The following CDH23 variants were observed in gnomAD, a reference collection of about 807,000 sequenced individuals.
The protein encoded by CDH23 is cadherin-23.
In CDH23, 189 loss-of-function variants were observed where a neutral mutation model predicts 317.1. The observed-to-expected ratio is 0.60, with a 90% CI of 0.53 to 0.67. CDH23 has a LOEUF of 0.67. Ranked by LOEUF, CDH23 falls within the 30% of genes least tolerant of loss-of-function variation. CDH23 has a pLI of 0.00. For missense variants in CDH23, 4,401 were observed against 4,592.4 expected (o/e 0.96, Z 1.20); for synonymous variants, 1,839 against 1,876.8 (o/e 0.98, Z 0.52).
intron 25 of CDH23, among the ~76,000 whole-genome samples, chr10:71,705,806 C>A (rs1208260643): frequency 6.6e-6 from 1 of 152,028 alleles, no homozygotes; most frequent in Non-Finnish European, 1.5e-5. Flanking sequence ...GTTTAGCAGG[C>A]AAGACATGGC....
At chr10:71,466,338 G>C (rs891901009) in intron 3 of CDH23, among the ~76,000 whole-genome samples, 1 of 152,168 alleles carries the variant, frequency 6.6e-6, no homozygotes, top group African/African-American at 2.4e-5. Context: ...GCATGCATGT[G>C]TGTATGTACC....
intron 3 of CDH23, among the ~76,000 whole-genome samples, chr10:71,450,695 A>G (rs1451446549): frequency 1.3e-5 from 2 of 151,938 alleles, no homozygotes; most frequent in Non-Finnish European, 2.9e-5. Context: ...TTTCTCCTCC[A>G]GGACACCACC....
intron 25 of CDH23, among the ~76,000 whole-genome samples, chr10:71,705,593 G>A (rs562035075): frequency 6.6e-6 from 1 of 152,208 alleles, no homozygotes; most frequent in Non-Finnish European, 1.5e-5. Context: ...ATCACCCTGG[G>A]AAGAGAGCAG....
intron 6 of CDH23, among the ~76,000 whole-genome samples, chr10:71,515,071 G>C (rs1854211416): frequency 6.6e-6 from 1 of 152,158 alleles, no homozygotes; most frequent in African/African-American, 2.4e-5. Flanking sequence ...AGGTGACCCT[G>C]GTGCTGGGGT....
chr10:71,688,737 G>A (rs1341440420), intron 19 of CDH23, among the ~76,000 whole-genome samples: 2 of 117,060 alleles, frequency 1.7e-5, no homozygotes, highest in South Asian at 3.2e-4. Flanking sequence ...GGAGTCAAGG[G>A]TGGTGGAGCC....
chr10:71,601,929 T>C (rs558462843), intron 9 of CDH23, among the ~76,000 whole-genome samples: 17 of 145,946 alleles, frequency 1.2e-4, no homozygotes, highest in Non-Finnish European at 1.8e-4. Context: ...CCTTCAGGCA[T>C]TGGAGCAGGG....
intron 20 of CDH23, among the ~76,000 whole-genome samples, chr10:71,693,190 T>C (rs1014381976): frequency 1.3e-5 from 2 of 152,224 alleles, no homozygotes; most frequent in South Asian, 4.1e-4. Context: ...AGGCACTCAA[T>C]TGTGAACTCC....
At chr10:71,625,396 T>TG (rs1179590707) in intron 11 of CDH23, among the ~76,000 whole-genome samples, 1 of 19,798 alleles carries the variant, frequency 5.1e-5, no homozygotes, top group Non-Finnish European at 1.0e-4. Flanking sequence ...CCAAATAAAT[T>TG]AAAAAAAAAA....
In CDH23 at chr10:71,778,287, C is replaced by T; in HGVS notation, c.5166C>T (p.His1722=). The change falls in exon 40 of 70, where the codon CAC becomes CAT. Residue 1722 remains histidine (H), a synonymous_variant. Coordinates refer to ENST00000224721, the MANE Select transcript of CDH23 (RefSeq NM_022124.6). ...TATDQCPILS[H]RLTSTTTVLV... is the part of the protein sequence containing the mutation. Reference sequence around the variant, plus strand: ...CAGACCAGTGCCCCATCTTATCCCACCGCCTCACCTCTACCACCACGGTGG... The same window carrying T: ...CAGACCAGTGCCCCATCTTATCCCATCGCCTCACCTCTACCACCACGGTGG... 6.2e-7 allele frequency: 1 copy of T among 1,613,998 alleles called. No individual in the cohort carries two copies. Among genetic ancestry groups the T allele is most frequent in the Non-Finnish European group, 8.5e-7 (1 of 1,179,896 alleles).
intron 1 of CDH23, among the ~76,000 whole-genome samples, chr10:71,412,693 A>G (rs1848390641): frequency 6.6e-6 from 1 of 152,160 alleles, no homozygotes; most frequent in Non-Finnish European, 1.5e-5. Context: ...TTTTTTGATA[A>G]TAGTCATCCT....
chr10:71,773,157 C>T (rs1486228143), intron 38 of CDH23, among the ~76,000 whole-genome samples: 9 of 152,220 alleles, frequency 5.9e-5, no homozygotes, highest in Non-Finnish European at 1.0e-4. Flanking sequence ...GCAGATGTGC[C>T]CGATGCCTAG....
At chr10:71,677,424 T>C in intron 15 of CDH23, 32 bp from the exon 16 acceptor site, 2 of 1,552,512 alleles carry the variant, frequency 1.3e-6, no homozygotes, top group Non-Finnish European at 1.8e-6. Flanking sequence ...AACCACGGTG[T>C]TCCTTCTCTC....
intron 11 of CDH23, among the ~76,000 whole-genome samples, chr10:71,625,501 G>A (rs1471769969): frequency 6.6e-6 from 1 of 151,316 alleles, no homozygotes; most frequent in East Asian, 1.9e-4. Flanking sequence ...GAGGTGAGAA[G>A]GGGAGACTGT....
At chr10:71,747,960 GGGCTGGGCCTC>G (rs1839893096) in intron 38 of CDH23, 1 of 152,316 alleles carries the variant, frequency 6.6e-6, no homozygotes, top group African/African-American at 2.4e-5. Flanking sequence ...TGCCGTCTAT[GGGCTGGGCCTC>G]ATGCTCAGCT....
At chr10:71,740,988 G>T (rs778773513) in intron 37 of CDH23, 38 bp downstream of exon 37, 1 of 1,610,976 alleles carries the variant, frequency 6.2e-7, no homozygotes, top group Admixed American at 1.7e-5. Context: ...CTGGACATAC[G>T]GGGGGACCGT....
intron 1 of CDH23, among the ~76,000 whole-genome samples, chr10:71,428,139 C>T (rs1269505998): frequency 7.6e-6 from 1 of 131,536 alleles, no homozygotes; most frequent in African/African-American, 3.0e-5. Flanking sequence ...TTCTTTCTTT[C>T]TTTTTTTTTT....
At chr10:71,559,284 A>G (rs1399224869) in intron 6 of CDH23, among the ~76,000 whole-genome samples, 1 of 151,974 alleles carries the variant, frequency 6.6e-6, no homozygotes, top group Non-Finnish European at 1.5e-5. Context: ...TAATTCCTTT[A>G]TTGTCATTTT....
intron 9 of CDH23, among the ~76,000 whole-genome samples, chr10:71,608,384 AGCCTCCT>A (rs1424431104): frequency 6.6e-6 from 1 of 152,192 alleles, no homozygotes; most frequent in Non-Finnish European, 1.5e-5. Context: ...AATCTCATCC[AGCCTCCT>A]GCCTCCATTC....
At chr10:71,506,421 G>A (rs1315846178) in intron 3 of CDH23, among the ~76,000 whole-genome samples, 1 of 152,206 alleles carries the variant, frequency 6.6e-6, no homozygotes, top group Non-Finnish European at 1.5e-5. Context: ...TTTACAAAAG[G>A]AACTCCAGAT....
Sources: gnomAD v4.1 joint callset for allele counts (sites outside exome capture counted in the v4.1 genomes callset) on GRCh38, gnomAD v4.1.1 for gene constraint, MANE v1.5 for transcripts, NCBI Gene and HGNC (gene_info 2026-07-23, HGNC 2026-07-21) for gene names.